The following NRG3 variants were observed in gnomAD, a reference collection of about 807,000 sequenced individuals.
The protein encoded by NRG3 is neuregulin 3.
In NRG3, 31 loss-of-function variants were observed where a neutral mutation model predicts 66.9. That is an observed-to-expected ratio of 0.46 (90% CI 0.35 to 0.63). The LOEUF (loss-of-function observed/expected upper bound fraction) is 0.63, where lower values mean the gene tolerates loss of function less well. NRG3 is among the 20% of genes least tolerant of loss of function. The pLI, the probability that NRG3 is intolerant of heterozygous loss-of-function variation, is 0.00. For missense variants in NRG3, 910 were observed against 878.9 expected, an observed-to-expected ratio of 1.04 and a Z score of -0.45; for synonymous variants, 393 against 359.4, an observed-to-expected ratio of 1.09 and a Z score of -1.06.
At chr10:82,289,579 T>A (rs572246473) in intron 1 of NRG3, among the ~76,000 whole-genome samples, 160 of 152,344 alleles carry the variant, frequency 1.1e-3, no homozygotes, top group African/African-American at 3.6e-3. Flanking sequence ...AGATAAAAGA[T>A]TTAATTTACT....
At chr10:82,383,123 T>A (rs1449843865) in intron 2 of NRG3, among the ~76,000 whole-genome samples, 1 of 152,024 alleles carries the variant, frequency 6.6e-6, no homozygotes, top group Non-Finnish European at 1.5e-5. Context: ...TTGTTTATAT[T>A]TTAAATGAAT....
At chr10:81,971,140 TAAAAAGAA>T (rs1220949537) in intron 1 of NRG3, among the ~76,000 whole-genome samples, 1 of 152,282 alleles carries the variant, frequency 6.6e-6, no homozygotes, top group East Asian at 1.9e-4. Flanking sequence ...ACACTCCGTC[TAAAAAGAA>T]AAAAAGAACA....
intron 3 of NRG3, among the ~76,000 whole-genome samples, chr10:82,824,497 G>A (rs547196906): frequency 1.9e-4 from 29 of 152,188 alleles, no homozygotes; most frequent in Admixed American, 9.2e-4. Context: ...CAATGTATGC[G>A]GGGCTTCGAC....
intron 4 of NRG3, among the ~76,000 whole-genome samples, chr10:82,923,621 AATGT>A: frequency 6.6e-6 from 1 of 152,378 alleles, no homozygotes; most frequent in Non-Finnish European, 1.5e-5. Context: ...TAAATATACA[AATGT>A]ATGTATTAAA....
intron 2 of NRG3, among the ~76,000 whole-genome samples, chr10:82,413,198 C>T (rs755718257): frequency 3.9e-5 from 6 of 152,098 alleles, no homozygotes; most frequent in Admixed American, 2.0e-4. Context: ...CCTTATGAAA[C>T]GTATTTCTTA....
At chr10:82,050,964 A>G (rs12761035) in intron 1 of NRG3, among the ~76,000 whole-genome samples, 36,454 of 151,832 alleles carry the variant, frequency 0.24, 4,500 homozygotes, top group Middle Eastern at 0.33. Context: ...GAGGGAATTT[A>G]TATTTTCTCG....
intron 1 of NRG3, among the ~76,000 whole-genome samples, chr10:82,223,445 C>T (rs578062549): frequency 1.5e-4 from 23 of 152,188 alleles, no homozygotes; most frequent in Middle Eastern, 3.4e-3. Context: ...ATTGCTATTC[C>T]TGGTGGGTAT....
intron 4 of NRG3, among the ~76,000 whole-genome samples, chr10:82,937,485 A>T (rs562827458): frequency 5.3e-5 from 8 of 152,352 alleles, no homozygotes; most frequent in Non-Finnish European, 2.9e-5. Context: ...CAAACATGTG[A>T]TGGTCATTAA....
At chr10:81,982,613 T>G (rs2060371786) in intron 1 of NRG3, among the ~76,000 whole-genome samples, 1 of 152,214 alleles carries the variant, frequency 6.6e-6, no homozygotes, top group African/African-American at 2.4e-5. Context: ...GAGCCTCTCT[T>G]CTTGGCTTGC....
At chr10:82,354,229 G>T (rs1175883208) in intron 1 of NRG3, among the ~76,000 whole-genome samples, 2 of 151,012 alleles carry the variant, frequency 1.3e-5, no homozygotes, top group Non-Finnish European at 2.9e-5. Context: ...TTGTATAGAT[G>T]GGGGTCTCCC....
chr10:82,232,689 A>G, intron 1 of NRG3: 1 of 714,426 alleles, frequency 1.4e-6, no homozygotes, highest in Non-Finnish European at 2.6e-6. Context: ...AGATGGGGCT[A>G]CAAGAGGAGA....
chr10:82,053,071 TTAG>T (rs2063674608), intron 1 of NRG3, among the ~76,000 whole-genome samples: 1 of 152,142 alleles, frequency 6.6e-6, no homozygotes, highest in Non-Finnish European at 1.5e-5. Context: ...ATCAAATGTT[TTAG>T]GTTACTCACC....
intron 1 of NRG3, among the ~76,000 whole-genome samples, chr10:82,281,100 C>T (rs937695464): frequency 6.6e-6 from 1 of 152,150 alleles, no homozygotes; most frequent in Non-Finnish European, 1.5e-5. Context: ...TACATTGGTA[C>T]TTTTCTGGAC....
chr10:82,340,730 T>G (rs887315662), intron 1 of NRG3: 4 of 152,178 alleles, frequency 2.6e-5, no homozygotes, highest in African/African-American at 7.2e-5. Context: ...ATATCTACTT[T>G]GCACAGTATT....
intron 1 of NRG3, among the ~76,000 whole-genome samples, chr10:82,241,535 T>C (rs1279861399): frequency 1.3e-5 from 2 of 152,190 alleles, no homozygotes; most frequent in African/African-American, 4.8e-5. Flanking sequence ...CCTTGTTTGT[T>C]TTATTAATAG....
intron 4 of NRG3, among the ~76,000 whole-genome samples, chr10:82,867,362 T>C (rs1840856563): frequency 6.6e-6 from 1 of 152,144 alleles, no homozygotes; most frequent in South Asian, 2.1e-4. Flanking sequence ...AGAACTCATA[T>C]CACTTTTTGC....
chr10:82,261,891 G>A (rs943504473), intron 1 of NRG3, among the ~76,000 whole-genome samples: 4 of 152,104 alleles, frequency 2.6e-5, no homozygotes, highest in Admixed American at 6.6e-5. Context: ...AACATGTCAC[G>A]GTGCTGCTGA....
chr10:82,620,703 T>C (rs2048987702), intron 2 of NRG3, among the ~76,000 whole-genome samples: 1 of 152,170 alleles, frequency 6.6e-6, no homozygotes, highest in African/African-American at 2.4e-5. Flanking sequence ...CAAACAGGGA[T>C]AGAAGTTCTC....
rs114715685 is a variant in NRG3, at chr10:82,978,192, A to G, written c.1413-758A>G. Among the ~76,000 whole-genome samples, 580 of 152,230 alleles carry G rather than the reference A, an allele frequency of 3.8e-3. 5 individuals are homozygous for G. The highest frequency in any genetic ancestry group is 0.013 in the African/African-American group (560 of 41,538). On this transcript the variant is annotated intron_variant, in intron 7 of 8. Transcript: ENST00000372141. ...GAACAGGTAATGAGTCTCATCAGCA[A>G]TGGATTTTTATAGAGTCTAGTTCTT...
Sources: allele counts gnomAD v4.1 joint callset (sites outside exome capture counted in the v4.1 genomes callset), GRCh38; gene constraint gnomAD v4.1.1; transcripts MANE v1.5; gene names NCBI Gene and HGNC (gene_info 2026-07-23, HGNC 2026-07-21).